Variants in EMC3 observed in about 807,000 individuals in gnomAD.
The protein encoded by EMC3 is 30 kDa protein.
Under a neutral mutation model 36.6 loss-of-function variants are expected in EMC3, and 13 were observed. The ratio of observed to expected loss-of-function variants is 0.35; its 90% CI spans 0.23 to 0.56. The LOEUF (loss-of-function observed/expected upper bound fraction) is 0.56, where lower values mean the gene tolerates loss of function less well. Ranked by LOEUF, EMC3 falls within the 20% of genes least tolerant of loss-of-function variation. The pLI is 0.84. For synonymous variants in EMC3, 120 were observed against 111.9 expected (o/e 1.07, Z -0.46); for missense variants, 220 against 324.5 (o/e 0.68, Z 2.47).
chr3:10,008,030 A>G (rs1268143127), intron 1 of EMC3, among the ~76,000 whole-genome samples: 2 of 152,070 alleles, frequency 1.3e-5, no homozygotes, highest in East Asian at 1.9e-4. Flanking sequence ...CACATTGGGG[A>G]TGAAGGTCCC....
chr3:10,007,112 C>G (rs2086271528), intron 1 of EMC3: 1 of 325,024 alleles, frequency 3.1e-6, no homozygotes, highest in African/African-American at 2.2e-5. Flanking sequence ...GGCATGCAGT[C>G]AAGGATTCCT....
In EMC3 at chr3:9,964,130, A is replaced by G. The variant is rs2085715190; in HGVS notation, c.725T>C (p.Met242Thr). 12 of 1,614,064 alleles carry G rather than the reference A, an allele frequency of 7.4e-6. No individual in the cohort carries two copies. The highest frequency in any genetic ancestry group is 1.3e-5 in the African/African-American group (1 of 74,920). The change falls in exon 8 of 8, where the codon ATG becomes ACG. Residue 242 changes from methionine (M) to threonine (T), a missense_variant. This residue lies in a region of EMC3 where 37 missense variants were observed against 32.9 expected (regional missense o/e 1.13). Transcript: ENST00000245046. ...GCCTTCGAAGTGGAGGTCTTTGGCC[A>G]TGAGCTCTTCTTCGACATCATCTAG... is the stretch of plus-strand genomic sequence containing the variant. ...WALDDVEEEL[M>T]AKDLHFEGMF...
At chr3:9,992,326 G>A (rs1427118044) in intron 1 of EMC3, among the ~76,000 whole-genome samples, 4 of 151,878 alleles carry the variant, frequency 2.6e-5, no homozygotes, top group South Asian at 4.2e-4. Flanking sequence ...GGGTTTCACC[G>A]TGTTGGCCAG....
chr3:10,003,670 T>C (rs1232733353), intron 1 of EMC3: 1 of 193,014 alleles, frequency 5.2e-6, no homozygotes, highest in Non-Finnish European at 1.1e-5. Flanking sequence ...CAGAGAGTGA[T>C]AAGTATTTTA....
intron 1 of EMC3, chr3:10,002,916 C>T (rs1362252759): frequency 2.2e-6 from 1 of 452,108 alleles, no homozygotes; most frequent in Admixed American, 2.4e-5. Context: ...CCCAGAGCAC[C>T]TGTAGCAGTG....
At chr3:10,009,317 G>A (rs2086299474) in intron 1 of EMC3, among the ~76,000 whole-genome samples, 1 of 152,106 alleles carries the variant, frequency 6.6e-6, no homozygotes, top group Non-Finnish European at 1.5e-5. Context: ...TTTCCCCCCA[G>A]ACCTCCTCCT....
intron 1 of EMC3, among the ~76,000 whole-genome samples, chr3:9,999,968 C>T (rs930167250): frequency 6.6e-6 from 1 of 152,164 alleles, no homozygotes; most frequent in African/African-American, 2.4e-5. Context: ...AATATATTCA[C>T]ATAACCAGTT....
chr3:9,977,351 T>G, intron 2 of EMC3, 38 bp downstream of exon 2: 1 of 1,580,446 alleles, frequency 6.3e-7, no homozygotes, highest in South Asian at 1.1e-5. Context: ...TGCCCAACAG[T>G]GAATCGTGGA....
chr3:9,987,307 T>G (rs530974526), upstream of EMC3: 7 of 984,564 alleles, frequency 7.1e-6, no homozygotes, highest in African/African-American at 1.2e-4. Flanking sequence ...GAGGCCCCGC[T>G]CCCCTGCGAC....
At chr3:9,973,067 C>T (rs373150829) in intron 5 of EMC3, among the ~76,000 whole-genome samples, 5 of 150,554 alleles carry the variant, frequency 3.3e-5, no homozygotes, top group Admixed American at 6.6e-5. Context: ...CCTGGTGATC[C>T]GCCCGCCTCG....
chr3:9,969,900 A>G, intron 6 of EMC3, 99 bp from the exon 7 acceptor site: 2 of 1,511,976 alleles, frequency 1.3e-6, no homozygotes, highest in Non-Finnish European at 1.8e-6. Context: ...GAACTGGACT[A>G]CAGCCTCACT....
upstream of EMC3, chr3:9,987,940 C>T: frequency 9.7e-7 from 1 of 1,035,248 alleles, no homozygotes; most frequent in Non-Finnish European, 1.5e-6. Context: ...TTGGATCCTG[C>T]AGCATTGTGT....
chr3:10,007,949 A>C (rs1438065299), intron 1 of EMC3, among the ~76,000 whole-genome samples: 1 of 152,196 alleles, frequency 6.6e-6, no homozygotes, highest in African/African-American at 2.4e-5. Flanking sequence ...GGAAGCAAGA[A>C]GCAGGCTCAG....
At chr3:9,985,850 C>T (rs1017531909) in intron 1 of EMC3, among the ~76,000 whole-genome samples, 1 of 152,108 alleles carries the variant, frequency 6.6e-6, no homozygotes, top group African/African-American at 2.4e-5. Flanking sequence ...GCTGAGATGA[C>T]GCCACCGCAC....
intron 3 of EMC3, 119 bp downstream of exon 3, chr3:9,976,838 A>G (rs1046565365): frequency 1.4e-6 from 1 of 723,016 alleles, no homozygotes; most frequent in Non-Finnish European, 2.4e-6. Context: ...AAGGTCTAAG[A>G]TTACTATCTT....
chr3:9,962,894 T>C lies in EMC3; in HGVS notation c.*1175A>G, dbSNP rs534803621. ...CCTTCTTACAGCAATATGTAAATTC[T>C]CTTTTGTTCCAAGCAACTGGGAAAT... is the stretch of plus-strand genomic sequence containing the variant. On this transcript the variant is annotated 3_prime_UTR_variant, in exon 8 of 8. Coordinates refer to ENST00000245046, the MANE Select transcript of EMC3 (RefSeq NM_001394674.1). 3 of 152,348 alleles carry C rather than the reference T, an allele frequency of 2.0e-5. No homozygotes were observed. Among genetic ancestry groups the C allele is most frequent in the Admixed American group, 6.5e-5 (1 of 15,300 alleles). 9.4% of individuals were successfully genotyped at this position (152,348 alleles called of 1,614,324 possible).
At chr3:9,974,242 C>T (rs748598908) in intron 4 of EMC3, 142 bp downstream of exon 4, 12 of 621,972 alleles carry the variant, frequency 1.9e-5, no homozygotes, top group Non-Finnish European at 2.5e-5. Context: ...GGGCAAAAGC[C>T]GTAAAAGTCA....
intron 1 of EMC3, among the ~76,000 whole-genome samples, chr3:9,992,609 A>G (rs1412191232): frequency 6.6e-6 from 1 of 152,232 alleles, no homozygotes; most frequent in Non-Finnish European, 1.5e-5. Context: ...AATAAATGTG[A>G]AGATGTTCAA....
upstream of EMC3, chr3:9,988,390 AAGC>A (rs1230744557): frequency 4.8e-6 from 6 of 1,253,864 alleles, no homozygotes; most frequent in Non-Finnish European, 7.0e-6. Flanking sequence ...GAAATCAAGA[AAGC>A]AGCGGTCAGA....
Sources: allele counts gnomAD v4.1 joint callset (sites outside exome capture counted in the v4.1 genomes callset), GRCh38; gene constraint gnomAD v4.1.1; regional missense constraint gnomAD v4.1.1; transcripts MANE v1.5; gene names NCBI Gene and HGNC (gene_info 2026-07-23, HGNC 2026-07-21).